The following WDR89 variants were observed in gnomAD, a reference collection of about 807,000 sequenced individuals.
WDR89 encodes WD repeat-containing protein 89.
Under a neutral mutation model 29.1 loss-of-function variants are expected in WDR89, and 17 were observed. That is an observed-to-expected ratio of 0.58 (90% CI 0.40 to 0.88). The LOEUF (loss-of-function observed/expected upper bound fraction) is 0.88, where lower values mean the gene tolerates loss of function less well. Among genes scored for constraint, WDR89 ranks in the 40% least tolerant of loss-of-function variants. The probability of loss-of-function intolerance (pLI) is 0.00; values close to 1 mark genes in which losing one functional copy is unlikely to be tolerated. For synonymous variants in WDR89, 138 were observed against 157.8 expected (o/e 0.87, Z 0.94); for missense variants, 396 against 456.3 (o/e 0.87, Z 1.20).
intron 2 of WDR89, among the ~76,000 whole-genome samples, chr14:63,617,351 G>A (rs1882385580): frequency 6.6e-6 from 1 of 152,000 alleles, no homozygotes; most frequent in African/African-American, 2.4e-5. Flanking sequence ...AAAGTGCTGG[G>A]ATTATGGGAA....
intron 1 of WDR89, among the ~76,000 whole-genome samples, chr14:63,634,162 G>A (rs1331734477): frequency 1.8e-4 from 27 of 152,100 alleles, no homozygotes; most frequent in Admixed American, 1.8e-3. Flanking sequence ...CGAGGCAGGT[G>A]TATCACTTCA....
intron 2 of WDR89, among the ~76,000 whole-genome samples, chr14:63,621,548 A>T (rs539449343): frequency 6.6e-6 from 1 of 152,148 alleles, no homozygotes; most frequent in African/African-American, 2.4e-5. Context: ...CAGTGAGATG[A>T]GATCACACGA....
In WDR89 at chr14:63,599,382, G is replaced by C. The variant is rs375241937; in HGVS notation, c.561C>G (p.Val187=). ...RFHPSNPNMV[V]SGSSDGLVNV... ...TTACCAGGCCATCAGATGAACCTGAGACTACCATGTTGGGATTGCTGGGAT... is the reference window on the plus strand; with the variant it reads ...TTACCAGGCCATCAGATGAACCTGACACTACCATGTTGGGATTGCTGGGAT... Residue 187 remains valine, a synonymous_variant, in exon 3 of 3, where the codon GTC becomes GTG. Transcript: ENST00000620954. 6.9e-5 allele frequency: 112 copies of C among 1,614,036 alleles called. No homozygotes were observed. Among genetic ancestry groups the C allele is most frequent in the Non-Finnish European group, 1.5e-5 (18 of 1,180,038 alleles).
At chr14:63,630,053 T>A (rs1883298613) in intron 1 of WDR89, among the ~76,000 whole-genome samples, 1 of 152,056 alleles carries the variant, frequency 6.6e-6, no homozygotes, top group South Asian at 2.1e-4. Flanking sequence ...GTTCAAGCGA[T>A]TTTCCTGTCT....
chr14:63,600,717 C>CAAAAAAAAAAAAAA (rs56059698), intron 2 of WDR89, among the ~76,000 whole-genome samples: 7 of 36,198 alleles, frequency 1.9e-4, no homozygotes, highest in African/African-American at 4.1e-4. Context: ...GATATGTAGG[C>CAAAAAAAAAAAAAA]AAAAAAAAAA....
chr14:63,606,401 T>C (rs1895323655), intron 2 of WDR89, among the ~76,000 whole-genome samples: 1 of 152,228 alleles, frequency 6.6e-6, no homozygotes, highest in African/African-American at 2.4e-5. Context: ...CTAAGTATTA[T>C]TACAAAAGAG....
chr14:63,604,073 C>T (rs572053521), intron 2 of WDR89, among the ~76,000 whole-genome samples: 4 of 152,278 alleles, frequency 2.6e-5, no homozygotes, highest in South Asian at 2.1e-4. Context: ...TGCCAATCAA[C>T]GTGAAAAAGC....
intron 2 of WDR89, among the ~76,000 whole-genome samples, chr14:63,618,834 A>G (rs1355844525): frequency 2.0e-5 from 3 of 152,240 alleles, no homozygotes; most frequent in Non-Finnish European, 4.4e-5. Context: ...AAGGGGTCTC[A>G]TAAAAAATCT....
intron 2 of WDR89, among the ~76,000 whole-genome samples, chr14:63,622,398 G>A (rs1882755354): frequency 6.6e-6 from 1 of 152,062 alleles, no homozygotes; most frequent in Admixed American, 6.6e-5. Context: ...AGGCCAACAT[G>A]GTGAAAGCCC....
intron 1 of WDR89, among the ~76,000 whole-genome samples, chr14:63,627,158 T>A (rs200758713): frequency 0.038 from 5,205 of 136,838 alleles, 110 homozygotes; most frequent in South Asian, 0.077. Flanking sequence ...ACACTCTCTC[T>A]CTCTCTCTCT....
chr14:63,627,204 T>C (rs533547308), intron 1 of WDR89, among the ~76,000 whole-genome samples: 199 of 151,748 alleles, frequency 1.3e-3, no homozygotes, highest in African/African-American at 3.7e-3. Flanking sequence ...GTTAAACTTT[T>C]TGACAAGTAT....
intron 2 of WDR89, among the ~76,000 whole-genome samples, chr14:63,603,610 A>C (rs941758105): frequency 1.3e-5 from 2 of 152,278 alleles, no homozygotes; most frequent in East Asian, 3.9e-4. Context: ...ATTCTTAAAA[A>C]CTGTGTATCA....
At chr14:63,634,178 G>C (rs1276708226) in intron 1 of WDR89, among the ~76,000 whole-genome samples, 1 of 152,156 alleles carries the variant, frequency 6.6e-6, no homozygotes, top group African/African-American at 2.4e-5. Flanking sequence ...CTTCAGTCCA[G>C]GAGTTCGAGA....
At chr14:63,619,822 T>C (rs1047017200) in intron 2 of WDR89, among the ~76,000 whole-genome samples, 10 of 151,846 alleles carry the variant, frequency 6.6e-5, no homozygotes, top group African/African-American at 2.2e-4. Context: ...CTGGCCAACA[T>C]AGTGAAACCC....
rs138911980 is a variant in WDR89 at position 63,610,574 on chromosome 14, T to A, written c.-31-10601A>T. On this transcript the variant is annotated intron_variant, in intron 2 of 2. Transcript: ENST00000620954. Reference sequence around the variant, plus strand: ...TCATCAGCAATATGTCATGTTCCTATCATGAACCCCCGGTATGATGTGATA... The same window carrying A: ...TCATCAGCAATATGTCATGTTCCTAACATGAACCCCCGGTATGATGTGATA... Among the ~76,000 whole-genome samples, 6 of 152,212 alleles carry A rather than the reference T, an allele frequency of 3.9e-5. No individual in the cohort carries two copies. The East Asian group carries it at 1.2e-3, about 29-fold the overall frequency.
intron 2 of WDR89, chr14:63,601,908 T>G: frequency 1.9e-6 from 1 of 515,888 alleles, no homozygotes; most frequent in Non-Finnish European, 3.4e-6. Context: ...CATATTTCTC[T>G]TTTATAATAA....
intron 2 of WDR89, chr14:63,621,705 G>A (rs1882705371): frequency 6.6e-6 from 1 of 152,134 alleles, no homozygotes; most frequent in Non-Finnish European, 1.5e-5. Context: ...CCAACACAAA[G>A]CTCTGTACCC....
chr14:63,640,486 A>AC (rs897579344), intron 1 of WDR89, among the ~76,000 whole-genome samples: 3 of 145,140 alleles, frequency 2.1e-5, no homozygotes, highest in African/African-American at 8.4e-5. Context: ...TGTTTTATTG[A>AC]CTTTTTTTTT....
intron 1 of WDR89, among the ~76,000 whole-genome samples, chr14:63,628,855 T>C (rs1883227314): frequency 6.6e-6 from 1 of 151,802 alleles, no homozygotes; most frequent in Non-Finnish European, 1.5e-5. Flanking sequence ...TCCCAGCAAC[T>C]TGGGAGGCTA....
Sources: allele counts gnomAD v4.1 joint callset (sites outside exome capture counted in the v4.1 genomes callset), GRCh38; gene constraint gnomAD v4.1.1; transcripts MANE v1.5; gene names NCBI Gene and HGNC (gene_info 2026-07-23, HGNC 2026-07-21).